Variants in COL15A1 observed in about 807,000 individuals in gnomAD.
COL15A1 encodes the protein collagen type XV alpha 1 chain.
In COL15A1, 111 loss-of-function variants were observed where a neutral mutation model predicts 165.9. That is an observed-to-expected ratio of 0.67 (90% CI 0.57 to 0.78). The LOEUF (loss-of-function observed/expected upper bound fraction) is 0.78, where lower values mean the gene tolerates loss of function less well. COL15A1 is among the 30% of genes least tolerant of loss of function. COL15A1 has a pLI of 0.00. For synonymous variants in COL15A1, 659 were observed against 674.8 expected, an observed-to-expected ratio of 0.98 and a Z score of 0.36; for missense variants, 1,745 against 1,789.7, an observed-to-expected ratio of 0.98 and a Z score of 0.45.
intron 30 of COL15A1, among the ~76,000 whole-genome samples, chr9:99,051,379 C>T (rs1839584441): frequency 6.6e-6 from 1 of 152,096 alleles, no homozygotes; most frequent in Non-Finnish European, 1.5e-5. Flanking sequence ...TTTTTTACTT[C>T]ATATTGCCTG....
chr9:99,067,738 A>G (rs1325362825), intron 40 of COL15A1, among the ~76,000 whole-genome samples: 2 of 152,100 alleles, frequency 1.3e-5, no homozygotes, highest in Non-Finnish European at 2.9e-5. Flanking sequence ...TCCTAACCCC[A>G]TACCCAGCAC....
At chr9:98,986,350 T>G (rs956703056) in intron 3 of COL15A1, 23 of 481,166 alleles carry the variant, frequency 4.8e-5, no homozygotes, top group Non-Finnish European at 8.1e-5. Context: ...TCTCTGTGTT[T>G]CCTTATCTGT....
chr9:99,011,423 A>AAAAAAAAG (rs548063268), intron 9 of COL15A1, among the ~76,000 whole-genome samples: 1 of 135,136 alleles, frequency 7.4e-6, no homozygotes, highest in Non-Finnish European at 1.6e-5. Context: ...AAAAAAAAAA[A>AAAAAAAAG]AGTCATTTTA....
intron 2 of COL15A1, among the ~76,000 whole-genome samples, chr9:98,947,328 A>G (rs1334643624): frequency 6.6e-6 from 1 of 152,192 alleles, no homozygotes; most frequent in East Asian, 1.9e-4. Context: ...GAGTCCCTAT[A>G]TATGAGATTT....
At chr9:99,055,947 T>C (rs951474212) in intron 34 of COL15A1, among the ~76,000 whole-genome samples, 1 of 152,216 alleles carries the variant, frequency 6.6e-6, no homozygotes, top group African/African-American at 2.4e-5. Context: ...TGCTTCATGA[T>C]CTTGGGCAAG....
At chr9:99,035,551 C>A in intron 19 of COL15A1, 133 bp downstream of exon 19, 1 of 1,066,488 alleles carries the variant, frequency 9.4e-7, no homozygotes, top group Non-Finnish European at 1.4e-6. Context: ...CCCAACTGTG[C>A]AATAGGGAAA....
chr9:99,039,259 C>T (rs1839358847), intron 22 of COL15A1, among the ~76,000 whole-genome samples: 1 of 152,178 alleles, frequency 6.6e-6, no homozygotes, highest in South Asian at 2.1e-4. Flanking sequence ...GCCTGTAATC[C>T]CAACACTTTG....
intron 5 of COL15A1, among the ~76,000 whole-genome samples, chr9:98,990,320 T>C (rs1312460344): frequency 6.6e-6 from 1 of 152,150 alleles, no homozygotes; most frequent in Non-Finnish European, 1.5e-5. Context: ...TGCCCATCCA[T>C]GGGGTCATGG....
intron 39 of COL15A1, among the ~76,000 whole-genome samples, chr9:99,065,728 TG>T (rs1825881031): frequency 6.7e-6 from 1 of 149,416 alleles, no homozygotes; most frequent in Non-Finnish European, 1.5e-5. Flanking sequence ...CTGGAGCAGG[TG>T]GCAGCCTTGG....
chr9:98,966,757 G>C (rs1588494217), intron 2 of COL15A1, among the ~76,000 whole-genome samples: 1 of 151,872 alleles, frequency 6.6e-6, no homozygotes, highest in African/African-American at 2.4e-5. Flanking sequence ...GCAGCCCCCA[G>C]CAAAGCTACA....
intron 2 of COL15A1, among the ~76,000 whole-genome samples, chr9:98,972,972 G>T (rs1007409490): frequency 6.6e-6 from 1 of 152,220 alleles, no homozygotes; most frequent in Non-Finnish European, 1.5e-5. Flanking sequence ...TCCTGTCTCT[G>T]GGGCTTGACT....
At chr9:99,014,511 T>A (rs1838897500) in intron 9 of COL15A1, among the ~76,000 whole-genome samples, 1 of 152,250 alleles carries the variant, frequency 6.6e-6, no homozygotes, top group Non-Finnish European at 1.5e-5. Flanking sequence ...ATTGTCCTAT[T>A]GGTTTGAACC....
At chr9:99,002,600 C>T (rs767044240) in intron 7 of COL15A1, among the ~76,000 whole-genome samples, 49 of 152,132 alleles carry the variant, frequency 3.2e-4, no homozygotes, top group Non-Finnish European at 1.0e-4. Context: ...TTGCACTTGC[C>T]CTTTGGGGCT....
At chr9:98,963,458 T>C (rs569486023) in intron 2 of COL15A1, among the ~76,000 whole-genome samples, 1 of 152,230 alleles carries the variant, frequency 6.6e-6, no homozygotes, top group South Asian at 2.1e-4. Context: ...TCCCAACAGG[T>C]TCCTTGTTCT....
In COL15A1 at chr9:99,063,084, C is replaced by T. The variant is rs772268496; in HGVS notation, c.3626C>T (p.Ser1209Leu). The T allele has an allele frequency of 1.9e-6, 3 of 1,584,082 alleles. No individual in the cohort carries two copies. Among genetic ancestry groups the T allele is most frequent in the Admixed American group, 3.9e-5 (2 of 51,676 alleles). ...CTTCTGCCTCCACCAAACCCTATTT[C>T]AAGTGCCAATTATGAGAAGCCTGCT... Reference protein sequence around the residue: ...HQLLPPPNPISSANYEKPALH... With the variant: ...HQLLPPPNPILSANYEKPALH... The change falls in exon 39 of 42, where the codon TCA (serine) becomes TTA (leucine). Residue 1209 changes from serine (S) to leucine (L), a missense_variant. By Grantham distance (145) the Ser-to-Leu change is moderately radical. Coordinates refer to ENST00000375001, the MANE Select transcript of COL15A1 (RefSeq NM_001855.5).
chr9:98,966,358 TG>T (rs1837956543), intron 2 of COL15A1, among the ~76,000 whole-genome samples: 1 of 152,126 alleles, frequency 6.6e-6, no homozygotes, highest in Non-Finnish European at 1.5e-5. Context: ...ATGGAGGAGA[TG>T]GGGGGCCTTC....
At chr9:99,039,742 T>C (rs553073103) in intron 22 of COL15A1, among the ~76,000 whole-genome samples, 1 of 152,310 alleles carries the variant, frequency 6.6e-6, no homozygotes. Flanking sequence ...GAGCCCCTAA[T>C]TCTCTTCTCT....
chr9:98,975,804 A>T (rs1430085191), intron 2 of COL15A1, among the ~76,000 whole-genome samples: 1 of 151,998 alleles, frequency 6.6e-6, no homozygotes, highest in Non-Finnish European at 1.5e-5. Flanking sequence ...GGCTCTGTGG[A>T]TGTTTAGAGG....
intron 2 of COL15A1, among the ~76,000 whole-genome samples, chr9:98,965,557 TG>T (rs1837942417): frequency 6.6e-6 from 1 of 152,192 alleles, no homozygotes; most frequent in Non-Finnish European, 1.5e-5. Flanking sequence ...CTCTCCTTTT[TG>T]CTCCAATGCT....
Sources: gnomAD v4.1 joint callset for allele counts (sites outside exome capture counted in the v4.1 genomes callset) on GRCh38, gnomAD v4.1.1 for gene constraint, MANE v1.5 for transcripts, NCBI Gene and HGNC (gene_info 2026-07-23, HGNC 2026-07-21) for gene names.